The following DHX15 variants were observed in gnomAD, a reference collection of about 807,000 sequenced individuals.
The protein encoded by DHX15 is ATP-dependent RNA helicase DHX15.
DHX15 carries 11 observed loss-of-function variants against 94.4 expected under a neutral mutation model. The ratio of observed to expected loss-of-function variants is 0.12; its 90% CI spans 0.07 to 0.19. The LOEUF (loss-of-function observed/expected upper bound fraction) is 0.19, where lower values mean the gene tolerates loss of function less well. Ranked by LOEUF, DHX15 falls within the 10% of genes least tolerant of loss-of-function variation. The pLI is 1.00. For synonymous variants in DHX15, 338 were observed against 329.9 expected, an observed-to-expected ratio of 1.02 and a Z score of -0.27; for missense variants, 304 against 988.5, an observed-to-expected ratio of 0.31 and a Z score of 9.29.
At chr4:24,574,228 A>AAAAAAAAAAAAAAAAG (rs1722191854) in intron 2 of DHX15, among the ~76,000 whole-genome samples, 2 of 144,490 alleles carry the variant, frequency 1.4e-5, no homozygotes, top group African/African-American at 2.6e-5. Context: ...AAAAAAAAAA[A>AAAAAAAAAAAAAAAAG]GTTAAAGTCA....
chr4:24,570,564 G>A (rs1033044893), intron 3 of DHX15, 90 bp downstream of exon 3: 14 of 1,154,028 alleles, frequency 1.2e-5, no homozygotes, highest in Non-Finnish European at 1.6e-5. Context: ...AAATTTGGAT[G>A]ACATAAGCCT....
intron 8 of DHX15, among the ~76,000 whole-genome samples, chr4:24,541,375 AGT>A (rs1721306608): frequency 6.6e-6 from 1 of 152,168 alleles, no homozygotes; most frequent in Non-Finnish European, 1.5e-5. Flanking sequence ...CAACTTTTGC[AGT>A]ATCACAGTGC....
rs141559753 is a variant in DHX15 at position 24,579,789 on chromosome 4, C to T, written c.72-3111G>A. Among the ~76,000 whole-genome samples the T allele has an allele frequency of 2.5e-3, 378 of 152,272 alleles. 13 individuals are homozygous for T. In the East Asian group the frequency reaches 0.061, roughly 25 times the overall value. On this transcript the variant is annotated intron_variant, in intron 1 of 13. Coordinates refer to ENST00000336812, the MANE Select transcript of DHX15 (RefSeq NM_001358.3). ...TGTTATTATTACTATTATTTTGAGA[C>T]GGAGTCTTGCTCTGTCACCAGGCTG...
At chr4:24,565,655 G>T (rs555894656) in intron 3 of DHX15, among the ~76,000 whole-genome samples, 5 of 152,272 alleles carry the variant, frequency 3.3e-5, no homozygotes, top group Non-Finnish European at 5.9e-5. Context: ...CAATTATTGT[G>T]CCAAAAGGAA....
intron 3 of DHX15, among the ~76,000 whole-genome samples, chr4:24,567,111 C>T (rs796411582): frequency 1.3e-4 from 20 of 152,142 alleles, no homozygotes; most frequent in African/African-American, 4.8e-4. Flanking sequence ...AATTTTACAG[C>T]TTACGAAAAA....
intron 11 of DHX15, among the ~76,000 whole-genome samples, chr4:24,535,791 C>G (rs550393482): frequency 6.6e-6 from 1 of 152,220 alleles, no homozygotes; most frequent in East Asian, 1.9e-4. Context: ...CACCATCACC[C>G]CTACAGAGAT....
chr4:24,539,649 A>G (rs1176876050), intron 10 of DHX15: 2 of 152,308 alleles, frequency 1.3e-5, no homozygotes, highest in Non-Finnish European at 2.9e-5. Flanking sequence ...TTTGAAATTC[A>G]TGTTTGTTCG....
At chr4:24,536,889 T>G (rs1244735050) in intron 11 of DHX15, among the ~76,000 whole-genome samples, 162 bp downstream of exon 11, 1 of 152,256 alleles carries the variant, frequency 6.6e-6, no homozygotes, top group Admixed American at 6.5e-5. Flanking sequence ...TGAAAAAGAT[T>G]GGCAATTTCT....
At chr4:24,540,690 T>C (rs1721291441) in intron 9 of DHX15, 150 bp downstream of exon 9, 1 of 484,044 alleles carries the variant, frequency 2.1e-6, no homozygotes, top group Non-Finnish European at 3.7e-6. Flanking sequence ...TTTTTTAGTT[T>C]TAATGCTATC....
rs201555828 is a variant in DHX15 at position 24,554,806 on chromosome 4, T to C, written c.999A>G (p.Glu333=). The C allele has an allele frequency of 1.9e-6, 3 of 1,613,846 alleles. No individual in the cohort carries two copies. Among genetic ancestry groups the C allele is most frequent in the Middle Eastern group, 1.7e-4 (1 of 6,058 alleles). Residue 333 remains glutamate (E), a synonymous_variant, in exon 5 of 14, where the codon GAA becomes GAG. Coordinates refer to ENST00000336812, the MANE Select transcript of DHX15 (RefSeq NM_001358.3). The part of the protein sequence containing the change: ...YTPEPERDYL[E]AAIRTVIQIH... ...TCTGGATAACTGTTCGAATTGCTGCTTCAAGATAATCTCTCTCTGGTTCTG... is the reference window on the plus strand; with the variant it reads ...TCTGGATAACTGTTCGAATTGCTGCCTCAAGATAATCTCTCTCTGGTTCTG...
intron 8 of DHX15, 80 bp from the exon 9 acceptor site, chr4:24,541,028 CTCCTGAGCTAT>C: frequency 1.3e-6 from 1 of 742,888 alleles, no homozygotes; most frequent in Non-Finnish European, 2.3e-6. Flanking sequence ...AATCTGCTGC[CTCCTGAGCTAT>C]TTGTTTTGGC....
chr4:24,576,759 A>G (rs369394721), intron 1 of DHX15, 81 bp from the exon 2 acceptor site: 2 of 1,530,070 alleles, frequency 1.3e-6, no homozygotes, highest in Admixed American at 4.1e-5. Context: ...AAGAGAGTAA[A>G]TGTCCAACGT....
intron 2 of DHX15, among the ~76,000 whole-genome samples, chr4:24,574,494 AC>A (rs143141175): frequency 0.073 from 11,047 of 152,048 alleles, 426 homozygotes; most frequent in African/African-American, 0.099. Flanking sequence ...AGTTGACCTG[AC>A]CTCCTTCTAC....
intron 2 of DHX15, among the ~76,000 whole-genome samples, chr4:24,571,234 T>C (rs1722116379): frequency 6.6e-6 from 1 of 152,238 alleles, no homozygotes; most frequent in Non-Finnish European, 1.5e-5. Flanking sequence ...GTGGAAATCA[T>C]ACCCCCTTGT....
At chr4:24,550,112 A>AAC (rs1721558889) in intron 5 of DHX15, among the ~76,000 whole-genome samples, 1 of 142,874 alleles carries the variant, frequency 7.0e-6, no homozygotes, top group African/African-American at 2.5e-5. Flanking sequence ...AAAAAAAAAA[A>AAC]AAAAAAAAAA....
intron 3 of DHX15, among the ~76,000 whole-genome samples, chr4:24,567,965 T>G (rs1722032428): frequency 6.6e-6 from 1 of 152,228 alleles, no homozygotes; most frequent in African/African-American, 2.4e-5. Flanking sequence ...GAGTGTGCAC[T>G]AAGTTATACC....
Position 24,537,342 on chromosome 4 carries a change from C to T in DHX15, c.1787-169G>A, listed in dbSNP as rs1051562603. 7 of 700,054 alleles carry T rather than the reference C, an allele frequency of 1.0e-5. No individual in the cohort carries two copies. The African/African-American group carries it at 1.3e-4, about 13-fold the overall frequency. The allele number at this position is 700,054 out of a possible 1,614,324, so 43.4% of individuals were successfully genotyped here. The stretch of plus-strand genomic sequence containing the variant: ...ACTACCTTGATTTGGTACATCAACA[C>T]CTAACCACATCTGTAAGACAAGAGG... On this transcript the variant is annotated intron_variant, in intron 10 of 13. Transcript: ENST00000336812. The surrounding 1 kb of genome is among the most constrained non-coding windows in gnomAD (Gnocchi z 4.7).
intron 12 of DHX15, 116 bp from the exon 13 acceptor site, chr4:24,529,886 A>T: frequency 9.5e-7 from 1 of 1,055,690 alleles, no homozygotes; most frequent in Non-Finnish European, 1.4e-6. Flanking sequence ...CTATGGCTAT[A>T]CTTATTTATC....
At chr4:24,544,162 T>C (rs1721375679) in intron 6 of DHX15, among the ~76,000 whole-genome samples, 1 of 152,136 alleles carries the variant, frequency 6.6e-6, no homozygotes, top group Non-Finnish European at 1.5e-5. Flanking sequence ...TATGGGCACA[T>C]ACAAAAAATG....
Sources: allele counts gnomAD v4.1 joint callset (sites outside exome capture counted in the v4.1 genomes callset), GRCh38; gene constraint gnomAD v4.1.1; non-coding constraint Gnocchi (gnomAD v3.1); transcripts MANE v1.5; gene names NCBI Gene and HGNC (gene_info 2026-07-23, HGNC 2026-07-21).